RAB30: variants seen among roughly 807,000 people sequenced by gnomAD.
RAB30 encodes the protein ras-related protein Rab-30.
Under a neutral mutation model 25.1 loss-of-function variants are expected in RAB30, and 9 were observed. The observed-to-expected ratio is 0.36, with a 90% CI of 0.22 to 0.63. RAB30 has a LOEUF of 0.63. Among genes scored for constraint, RAB30 ranks in the 20% least tolerant of loss-of-function variants. RAB30 has a pLI of 0.69. For missense variants in RAB30, 140 were observed against 243.5 expected, an observed-to-expected ratio of 0.58 and a Z score of 2.83; for synonymous variants, 77 against 86.4, an observed-to-expected ratio of 0.89 and a Z score of 0.60.
chr11:82,976,688 G>A lies in RAB30; in HGVS notation c.*5477C>T, dbSNP rs577121692. ...GTCTCAATCAAACTCAAATAGATTTGTCACCATACAGATTTAAGACCAATG... is the reference window on the plus strand; with the variant it reads ...GTCTCAATCAAACTCAAATAGATTTATCACCATACAGATTTAAGACCAATG... On this transcript the variant is annotated 3_prime_UTR_variant, in exon 5 of 5. Transcript: ENST00000527633. 1 of 152,042 alleles carries A rather than the reference G, an allele frequency of 6.6e-6. No individual in the cohort carries two copies. The highest frequency in any genetic ancestry group is 1.5e-5 in the Non-Finnish European group (1 of 68,016). The allele number at this position is 152,042 out of a possible 1,614,324, so 9.4% of individuals were successfully genotyped here.
chr11:83,000,719 CG>C lies in RAB30; in HGVS notation c.-8-3396del, dbSNP rs1339705470. 2.0e-5 allele frequency among the ~76,000 whole-genome samples: 3 copies of C among 152,238 alleles called. No homozygotes were observed. In the East Asian group the frequency reaches 5.8e-4, roughly 29 times the overall value. The stretch of plus-strand genomic sequence containing the variant: ...AAACAGGGCTCTTAAAGAAAGTTAA[CG>C]GTGCCCAAATTATGCACCTTTAGAA... On this transcript the variant is annotated intron_variant, in intron 1 of 4. Coordinates refer to ENST00000527633, the MANE Select transcript of RAB30 (RefSeq NM_001286060.2).
Position 82,979,593 on chromosome 11 carries a change from C to G in RAB30, c.*2572G>C, listed in dbSNP as rs953908166. The G allele has an allele frequency of 6.6e-6, 1 of 152,216 alleles. No homozygotes were observed. The highest frequency in any genetic ancestry group is 2.4e-5 in the African/African-American group (1 of 41,456). The allele number at this position is 152,216 out of a possible 1,614,324, so 9.4% of individuals were successfully genotyped here. ...TAATCAAAAAAAGCTCCCCCAACCACTACCACCCCACCTTGGCACTTAAAT... is the reference window on the plus strand; with the variant it reads ...TAATCAAAAAAAGCTCCCCCAACCAGTACCACCCCACCTTGGCACTTAAAT... On this transcript the variant is annotated 3_prime_UTR_variant, in exon 5 of 5. Transcript: ENST00000527633.
intron 1 of RAB30, among the ~76,000 whole-genome samples, chr11:83,017,826 G>A (rs1857472924): frequency 6.6e-6 from 1 of 152,160 alleles, no homozygotes; most frequent in Non-Finnish European, 1.5e-5. Flanking sequence ...TGTGAATTGT[G>A]CTGCTATAAA....
intron 4 of RAB30, chr11:82,987,005 C>T (rs1057500531): frequency 1.3e-5 from 2 of 152,094 alleles, no homozygotes; most frequent in African/African-American, 4.8e-5. Context: ...TTTTAATGAC[C>T]TGGTCCATTT....
At chr11:83,020,429 G>A (rs61902286) in intron 1 of RAB30, among the ~76,000 whole-genome samples, 1,939 of 152,370 alleles carry the variant, frequency 0.013, 18 homozygotes, top group South Asian at 0.032. Context: ...AACAAACATG[G>A]GAAAAAGCCA....
intron 1 of RAB30, among the ~76,000 whole-genome samples, chr11:83,051,913 T>C (rs1054433530): frequency 1.3e-5 from 2 of 152,154 alleles, no homozygotes; most frequent in East Asian, 3.8e-4. Context: ...TACTCTGGGG[T>C]AAATAGTTCT....
chr11:82,984,355 G>C (rs1856698436), intron 4 of RAB30, among the ~76,000 whole-genome samples: 1 of 152,172 alleles, frequency 6.6e-6, no homozygotes, highest in African/African-American at 2.4e-5. Flanking sequence ...GCTAGGCCAA[G>C]GCAGATCCTC....
At chr11:82,997,756 T>G (rs989026208) in intron 1 of RAB30, among the ~76,000 whole-genome samples, 3 of 152,190 alleles carry the variant, frequency 2.0e-5, no homozygotes, top group African/African-American at 7.2e-5. Context: ...AAAGAAGTAC[T>G]AGTGATGCGC....
At chr11:82,989,024 G>C (rs1430438114) in intron 3 of RAB30, among the ~76,000 whole-genome samples, 1 of 152,088 alleles carries the variant, frequency 6.6e-6, no homozygotes, top group Non-Finnish European at 1.5e-5. Context: ...AAAGCTTCAT[G>C]AGGGAGACGT....
At chr11:83,064,351 A>G (rs1590883427) in intron 1 of RAB30, among the ~76,000 whole-genome samples, 1 of 152,132 alleles carries the variant, frequency 6.6e-6, no homozygotes, top group African/African-American at 2.4e-5. Context: ...CAAGCAATTC[A>G]CCTGTCTCAG....
At chr11:83,010,046 T>A (rs969212778) in intron 1 of RAB30, among the ~76,000 whole-genome samples, 1 of 152,126 alleles carries the variant, frequency 6.6e-6, no homozygotes, top group African/African-American at 2.4e-5. Context: ...GGATTACAGG[T>A]GTGGGCCACC....
Position 82,995,783 on chromosome 11 carries a change from G to A in RAB30, c.93+1441C>T, listed in dbSNP as rs569051678. On this transcript the variant is annotated intron_variant, in intron 2 of 4. Coordinates refer to ENST00000527633, the MANE Select transcript of RAB30 (RefSeq NM_001286060.2). ...ATCAGGCTAAGAACCTGGAACCCGG[G>A]TTCTAATCCTAGCCTTGCCACTCTA... Among the ~76,000 whole-genome samples the A allele has an allele frequency of 2.6e-5, 4 of 152,148 alleles. No individual in the cohort carries two copies. The South Asian group carries it at 8.3e-4, about 31-fold the overall frequency.
chr11:82,985,472 A>G lies in RAB30; in HGVS notation c.361+2115T>C, dbSNP rs185550288. 8.6e-3 allele frequency among the ~76,000 whole-genome samples: 1,315 copies of G among 152,288 alleles called. 18 individuals carry two copies. The highest frequency in any genetic ancestry group is 0.017 in the South Asian group (83 of 4,820). ...AGTGTTTTGTCTAAAAAGAAAACCA[A>G]AAAAATCCTGACTCTCATCAGGCCT... On this transcript the variant is annotated intron_variant, in intron 4 of 4. Coordinates refer to ENST00000527633, the MANE Select transcript of RAB30 (RefSeq NM_001286060.2).
At chr11:82,987,376 A>T in intron 4 of RAB30, 1 of 407,608 alleles carries the variant, frequency 2.5e-6, no homozygotes, top group Non-Finnish European at 4.2e-6. Context: ...CTACATTGAT[A>T]GAAAATGTTT....
chr11:83,069,033 T>A (rs1312329472), intron 1 of RAB30, among the ~76,000 whole-genome samples: 1 of 152,210 alleles, frequency 6.6e-6, no homozygotes, highest in African/African-American at 2.4e-5. Flanking sequence ...ATTGTCAGAA[T>A]TATAGGTTGG....
intron 1 of RAB30, among the ~76,000 whole-genome samples, chr11:83,014,656 AAGAAAG>A (rs1565277097): frequency 9.3e-4 from 138 of 148,860 alleles, no homozygotes; most frequent in African/African-American, 2.8e-3. Flanking sequence ...GAAAGAAAGA[AAGAAAG>A]AAAGAAAGAA....
At position 82,974,484 on chromosome 11, in the gene RAB30, T is replaced by A. The variant is rs944221156; in HGVS notation, c.*7681A>T. On this transcript the variant is annotated 3_prime_UTR_variant, in exon 5 of 5. Transcript: ENST00000527633. ...ACACATAAAATATGATGTAGTATAC[T>A]GTTAATATTTGCATATTAACATTTA... The A allele has an allele frequency of 2.6e-5, 4 of 152,206 alleles. No individual in the cohort carries two copies. Among genetic ancestry groups the A allele is most frequent in the African/African-American group, 9.6e-5 (4 of 41,452 alleles). 9.4% of individuals were successfully genotyped at this position (152,206 alleles called of 1,614,324 possible). A position where few individuals can be genotyped will look rare whatever the true frequency, so the allele number is the denominator to read the frequency against.
Position 83,052,468 on chromosome 11 carries a change from T to C in RAB30, c.-9+19223A>G, listed in dbSNP as rs78790741. ...TAGAGGAGACTTTTCCCCACTGCCATAATTCATCAACCCATGTTGGAAGCT... is the reference window on the plus strand; with the variant it reads ...TAGAGGAGACTTTTCCCCACTGCCACAATTCATCAACCCATGTTGGAAGCT... On this transcript the variant is annotated intron_variant, in intron 1 of 4. Coordinates refer to ENST00000527633, the MANE Select transcript of RAB30 (RefSeq NM_001286060.2). 7.5e-3 allele frequency among the ~76,000 whole-genome samples: 1,138 copies of C among 152,298 alleles called. 21 individuals carry two copies. Among genetic ancestry groups the C allele is most frequent in the African/African-American group, 0.026 (1,097 of 41,562 alleles).
chr11:83,012,282 A>G (rs1857321960), intron 1 of RAB30, among the ~76,000 whole-genome samples: 1 of 152,218 alleles, frequency 6.6e-6, no homozygotes, highest in Non-Finnish European at 1.5e-5. Flanking sequence ...GAACACTTGT[A>G]CAAGATGCAA....
Sources: gnomAD v4.1 joint callset for allele counts (sites outside exome capture counted in the v4.1 genomes callset) on GRCh38, gnomAD v4.1.1 for gene constraint, MANE v1.5 for transcripts, NCBI Gene and HGNC (gene_info 2026-07-23, HGNC 2026-07-21) for gene names.